FAM222B: variants seen among roughly 807,000 people sequenced by gnomAD.
FAM222B encodes the protein family with sequence similarity 222 member B, also known as protein FAM222B.
A neutral mutation model predicts 38.0 loss-of-function variants in FAM222B; 12 were observed. The ratio of observed to expected loss-of-function variants is 0.32; its 90% CI spans 0.20 to 0.51. The LOEUF (loss-of-function observed/expected upper bound fraction) is 0.51. Ranked by LOEUF, FAM222B falls within the 20% of genes least tolerant of loss-of-function variation. The probability of loss-of-function intolerance (pLI) is 0.97; values close to 1 mark genes in which losing one functional copy is unlikely to be tolerated. For missense variants in FAM222B, 716 were observed against 754.2 expected, an observed-to-expected ratio of 0.95 and a Z score of 0.59; for synonymous variants, 329 against 317.2, an observed-to-expected ratio of 1.04 and a Z score of -0.40.
At chr17:28,815,382 T>G (rs1245188085) in intron 1 of FAM222B, among the ~76,000 whole-genome samples, 1 of 152,110 alleles carries the variant, frequency 6.6e-6, no homozygotes, top group African/African-American at 2.4e-5. Context: ...CCCAGCTAAT[T>G]TTTTGTATTC....
chr17:28,814,073 G>GC (rs1217568383), intron 1 of FAM222B, among the ~76,000 whole-genome samples: 1 of 151,754 alleles, frequency 6.6e-6, no homozygotes, highest in Non-Finnish European at 1.5e-5. Context: ...TTTAGAGGTA[G>GC]CTAGGCGTGG....
At chr17:28,826,069 T>G (rs1242457284) in intron 1 of FAM222B, among the ~76,000 whole-genome samples, 1 of 136,310 alleles carries the variant, frequency 7.3e-6, no homozygotes, top group Non-Finnish European at 1.6e-5. Flanking sequence ...CCATTAACTG[T>G]TTTTTTTGTT....
intron 1 of FAM222B, among the ~76,000 whole-genome samples, chr17:28,776,427 T>A: frequency 6.8e-6 from 1 of 146,472 alleles, no homozygotes; most frequent in Non-Finnish European, 1.5e-5. Flanking sequence ...TTCTCATCCA[T>A]GAGCCAAAGG....
At chr17:28,803,946 G>A (rs8069569) in intron 1 of FAM222B, among the ~76,000 whole-genome samples, 9,082 of 151,640 alleles carry the variant, frequency 0.06, 797 homozygotes, top group African/African-American at 0.19. Flanking sequence ...ATGCCACTGC[G>A]CTCCAGCCTG....
intron 1 of FAM222B, among the ~76,000 whole-genome samples, chr17:28,788,593 T>A (rs2036522991): frequency 6.6e-6 from 1 of 152,138 alleles, no homozygotes; most frequent in South Asian, 2.1e-4. Context: ...CAAATATGCA[T>A]CTTATACTAC....
chr17:28,792,576 T>A (rs2036749406), intron 1 of FAM222B, among the ~76,000 whole-genome samples: 1 of 150,806 alleles, frequency 6.6e-6, no homozygotes, highest in Admixed American at 6.6e-5. Context: ...AGGTCAGGAG[T>A]TCAATACCAC....
At position 28,759,713 on chromosome 17, in the gene FAM222B, G is replaced by A. The variant is rs1334380915; in HGVS notation, c.246C>T (p.Asp82=). The part of the protein sequence containing the change: ...KHVRRTVNGL[D]TSAQRYSPYP... ...AGGGGCTGTAGCGCTGGGCTGATGT[G>A]TCGAGGCCGTTCACAGTACGACGAA... The change falls in exon 3 of 3, where the codon GAC becomes GAT. Residue 82 remains aspartate, a synonymous_variant. Transcript: ENST00000581407. This position sits in a 1 kb window ranked among gnomAD's most constrained non-coding sequence, Gnocchi z 4.8. 6.2e-7 allele frequency: 1 copy of A among 1,613,672 alleles called. No individual in the cohort carries two copies. The highest frequency in any genetic ancestry group is 8.5e-7 in the Non-Finnish European group (1 of 1,179,830).
At chr17:28,778,007 C>CTTTT (rs34833861) in intron 1 of FAM222B, among the ~76,000 whole-genome samples, 1 of 106,630 alleles carries the variant, frequency 9.4e-6, no homozygotes, top group Non-Finnish European at 2.0e-5. Context: ...CCAGGCTGGA[C>CTTTT]TTTTTTTTTT....
intron 1 of FAM222B, among the ~76,000 whole-genome samples, chr17:28,798,601 T>G (rs2037053968): frequency 6.6e-6 from 1 of 151,992 alleles, no homozygotes; most frequent in East Asian, 1.9e-4. Context: ...AGTTTTTGTT[T>G]TCTCATGTGA....
chr17:28,762,317 C>T (rs1367428768), intron 2 of FAM222B, among the ~76,000 whole-genome samples: 1 of 152,152 alleles, frequency 6.6e-6, no homozygotes, highest in Admixed American at 6.5e-5. Context: ...ACATACCAGA[C>T]TTAAGCCTAA....
At chr17:28,820,252 G>A (rs1487232048) in intron 1 of FAM222B, among the ~76,000 whole-genome samples, 1 of 152,084 alleles carries the variant, frequency 6.6e-6, no homozygotes, top group Non-Finnish European at 1.5e-5. Flanking sequence ...CACTTAAAAG[G>A]CTGAGAAAAA....
At position 28,758,105 on chromosome 17, in the gene FAM222B, G is replaced by A. The variant is rs533580394; in HGVS notation, c.*165C>T. ...CAAAAGTTGCTGGAGGGGAGGACGA[G>A]AGGACCCCTTCTGTCCCCACTTAGA... On this transcript the variant is annotated 3_prime_UTR_variant, in exon 3 of 3. Transcript: ENST00000581407. 9.8e-6 allele frequency: 6 copies of A among 610,012 alleles called. No individual in the cohort carries two copies. The South Asian group carries it at 1.7e-4, about 17-fold the overall frequency. The allele number at this position is 610,012 out of a possible 1,614,324, so 37.8% of individuals were successfully genotyped here. A position where few individuals can be genotyped will look rare whatever the true frequency, so the allele number is the denominator to read the frequency against.
At chr17:28,832,367 T>C (rs1242605033) in intron 1 of FAM222B, among the ~76,000 whole-genome samples, 4 of 152,202 alleles carry the variant, frequency 2.6e-5, no homozygotes, top group Admixed American at 1.3e-4. Flanking sequence ...ATATGTATTA[T>C]TGTTTAGTAC....
Position 28,759,998 on chromosome 17 carries a change from G to T in FAM222B, c.83-122C>A. 1 of 949,894 alleles carries T rather than the reference G, an allele frequency of 1.1e-6. No homozygotes were observed. Among genetic ancestry groups the T allele is most frequent in the Non-Finnish European group, 1.5e-6 (1 of 646,602 alleles). 58.8% of individuals were successfully genotyped at this position (949,894 alleles called of 1,614,324 possible). A position where few individuals can be genotyped will look rare whatever the true frequency, so the allele number is the denominator to read the frequency against. ...GGTGGGGTGGGGAAATGACTAGATT[G>T]TCATCTGTAGCCTTCATTCGAGACC... is the stretch of plus-strand genomic sequence containing the variant. On this transcript the variant is annotated intron_variant, in intron 2 of 2. Transcript: ENST00000581407. This position sits in a 1 kb window ranked among gnomAD's most constrained non-coding sequence, Gnocchi z 4.8.
chr17:28,789,228 G>A (rs1190184723), intron 1 of FAM222B, among the ~76,000 whole-genome samples: 3 of 142,232 alleles, frequency 2.1e-5, no homozygotes, highest in South Asian at 2.2e-4. Flanking sequence ...ATGGAGTCTC[G>A]CTCTGTTACG....
intron 1 of FAM222B, among the ~76,000 whole-genome samples, chr17:28,788,221 CAA>C (rs1372347066): frequency 6.6e-6 from 1 of 152,134 alleles, no homozygotes; most frequent in Non-Finnish European, 1.5e-5. Context: ...CTGAGAAATT[CAA>C]AAGTCATTCA....
Position 28,759,969 on chromosome 17 carries a change from C to CTGGGG in FAM222B, c.83-98_83-94dup, listed in dbSNP as rs1240304709. 1.6e-6 allele frequency: 2 copies of CTGGGG among 1,270,026 alleles called. No individual in the cohort carries two copies. Among genetic ancestry groups the CTGGGG allele is most frequent in the Non-Finnish European group, 2.1e-6 (2 of 935,168 alleles). The allele number at this position is 1,270,026 out of a possible 1,614,324, so 78.7% of individuals were successfully genotyped here. A position where few individuals can be genotyped will look rare whatever the true frequency, so the allele number is the denominator to read the frequency against. ...CCTTCCAGATTCCCCTTTTGAGGGC[C>CTGGGG]TGGGGTGGGGTGGGGAAATGACTAG... On this transcript the variant is annotated intron_variant, in intron 2 of 2. Coordinates refer to ENST00000581407, the MANE Select transcript of FAM222B (RefSeq NM_001077498.3). This position sits in a 1 kb window ranked among gnomAD's most constrained non-coding sequence, Gnocchi z 4.8.
At chr17:28,842,588 C>A (rs1348740291) in intron 1 of FAM222B, 94 bp downstream of exon 1, 1 of 152,444 alleles carries the variant, frequency 6.6e-6, no homozygotes, top group Non-Finnish European at 1.5e-5. Context: ...CCTTCCGTCT[C>A]CCACAGTCAG....
intron 1 of FAM222B, among the ~76,000 whole-genome samples, chr17:28,787,058 G>T (rs928676110): frequency 6.6e-6 from 1 of 151,998 alleles, no homozygotes; most frequent in Non-Finnish European, 1.5e-5. Context: ...CTGAGTAGTT[G>T]AGACTACAGG....
Sources: allele counts gnomAD v4.1 joint callset (sites outside exome capture counted in the v4.1 genomes callset), GRCh38; gene constraint gnomAD v4.1.1; non-coding constraint Gnocchi (gnomAD v3.1); transcripts MANE v1.5; gene names NCBI Gene and HGNC (gene_info 2026-07-23, HGNC 2026-07-21).